ABCC1: variants seen among roughly 807,000 people sequenced by gnomAD.
ABCC1 encodes the protein ATP binding cassette subfamily C member 1 (ABCC1 blood group).
ABCC1 carries 83 observed loss-of-function variants against 172.9 expected under a neutral mutation model. That is an observed-to-expected ratio of 0.48 (90% CI 0.40 to 0.58). The LOEUF is 0.58. Among genes scored for constraint, ABCC1 ranks in the 20% least tolerant of loss-of-function variants. ABCC1 has a pLI of 0.00. For synonymous variants in ABCC1, 937 were observed against 825.2 expected (o/e 1.14, Z -2.32); for missense variants, 1,817 against 2,002.7 (o/e 0.91, Z 1.77).
intron 1 of ABCC1, among the ~76,000 whole-genome samples, chr16:16,006,562 A>G (rs571625596): frequency 1.8e-5 from 2 of 110,714 alleles, no homozygotes; most frequent in East Asian, 2.2e-4. Flanking sequence ...AGCAAAATAC[A>G]GGCTTTTTTT....
Position 16,121,957 on chromosome 16 carries a change from G to T in ABCC1, c.3391-18G>T, listed in dbSNP as rs773761906. On this transcript the variant is annotated intron_variant, in intron 23 of 30. Transcript: ENST00000399410. ...GAGGGAACCTTCATCAACTCCCCGCGTCTGTTCTCTACCCCAGAGGTTCTA... is the reference window on the plus strand; with the variant it reads ...GAGGGAACCTTCATCAACTCCCCGCTTCTGTTCTCTACCCCAGAGGTTCTA... 6.2e-6 allele frequency: 10 copies of T among 1,613,944 alleles called. No individual in the cohort carries two copies. The highest frequency in any genetic ancestry group is 8.5e-6 in the Non-Finnish European group (10 of 1,179,958).
chr16:15,994,530 C>T (rs1434693120), intron 1 of ABCC1, among the ~76,000 whole-genome samples: 1 of 152,148 alleles, frequency 6.6e-6, no homozygotes, highest in African/African-American at 2.4e-5. Flanking sequence ...CCAATAAATA[C>T]ATGCTTTCTC....
chr16:16,069,214 A>AAATAAATG (rs1248266927), intron 13 of ABCC1, among the ~76,000 whole-genome samples: 11 of 147,158 alleles, frequency 7.5e-5, no homozygotes, highest in African/African-American at 2.8e-4. Context: ...ATAAATAAAT[A>AAATAAATG]TGTTTGAAAA....
intron 25 of ABCC1, 113 bp downstream of exon 25, chr16:16,125,028 A>G: frequency 6.6e-7 from 1 of 1,509,668 alleles, no homozygotes; most frequent in Non-Finnish European, 9.0e-7. Context: ...CTTGAGAGGT[A>G]CGGAGTTTGA....
At chr16:16,079,224 T>G in intron 15 of ABCC1, 128 bp from the exon 16 acceptor site, 2 of 1,389,416 alleles carry the variant, frequency 1.4e-6, no homozygotes, top group South Asian at 2.6e-5. Flanking sequence ...GCCTTCAGTG[T>G]TTAGTACAGT....
chr16:16,062,754 C>T (rs555939649), intron 12 of ABCC1, among the ~76,000 whole-genome samples: 5 of 152,260 alleles, frequency 3.3e-5, no homozygotes, highest in East Asian at 1.9e-4. Context: ...GCTTCAAAGA[C>T]GATGAGGTGT....
chr16:16,042,173 G>GTTTTT (rs57457665), intron 7 of ABCC1, among the ~76,000 whole-genome samples: 1 of 133,798 alleles, frequency 7.5e-6, no homozygotes, highest in Non-Finnish European at 1.6e-5. Context: ...GAGTTTGGCA[G>GTTTTT]TTTTTTTTTT....
At chr16:15,994,835 C>T (rs1435904795) in intron 1 of ABCC1, among the ~76,000 whole-genome samples, 1 of 150,964 alleles carries the variant, frequency 6.6e-6, no homozygotes, top group Non-Finnish European at 1.5e-5. Flanking sequence ...GTGATTTTGA[C>T]TCACTGCAAC....
chr16:16,039,959 G>T (rs572817218), intron 7 of ABCC1, among the ~76,000 whole-genome samples: 1 of 152,104 alleles, frequency 6.6e-6, no homozygotes. Context: ...ATTTGCAGGG[G>T]TCTCCTCTGA....
chr16:16,115,888 ATTCT>A (rs1008586210), intron 23 of ABCC1, among the ~76,000 whole-genome samples: 11 of 150,492 alleles, frequency 7.3e-5, no homozygotes, highest in Admixed American at 1.3e-4. Context: ...CAAGCCTTTC[ATTCT>A]TTCTTTCTTT....
chr16:16,075,178 C>T (rs962806653), intron 14 of ABCC1, among the ~76,000 whole-genome samples: 4 of 151,998 alleles, frequency 2.6e-5, no homozygotes, highest in African/African-American at 9.7e-5. Flanking sequence ...CTCCTGACAT[C>T]AGGTGATCTG....
chr16:16,099,734 C>T (rs938204592), intron 19 of ABCC1, among the ~76,000 whole-genome samples: 1 of 152,122 alleles, frequency 6.6e-6, no homozygotes. Flanking sequence ...ATCTGAGGCA[C>T]CCTGATTGAC....
intron 6 of ABCC1, among the ~76,000 whole-genome samples, chr16:16,033,654 C>CTT (rs569183872): frequency 6.7e-6 from 1 of 149,420 alleles, no homozygotes; most frequent in African/African-American, 2.4e-5. Context: ...GGTCGTCTTT[C>CTT]TTTTTTTTTT....
At chr16:16,090,318 C>G in intron 18 of ABCC1, 87 bp from the exon 19 acceptor site, 2 of 1,393,356 alleles carry the variant, frequency 1.4e-6, no homozygotes, top group Non-Finnish European at 1.9e-6. Context: ...TGTTCGTCGG[C>G]TCATTCCTCC....
chr16:15,980,324 G>A (rs1007084225), intron 1 of ABCC1, among the ~76,000 whole-genome samples: 1 of 152,110 alleles, frequency 6.6e-6, no homozygotes, highest in African/African-American at 2.4e-5. Flanking sequence ...CAGCAACAAA[G>A]TGAGACTCTG....
At chr16:16,024,266 C>T (rs138794502) in intron 5 of ABCC1, among the ~76,000 whole-genome samples, 1 of 134,798 alleles carries the variant, frequency 7.4e-6, no homozygotes, top group Admixed American at 8.1e-5. Flanking sequence ...ATTGGAAGGG[C>T]TAGGATGTAA....
chr16:16,142,286 C>T lies in ABCC1; in HGVS notation c.*1005C>T, dbSNP rs904453855. 3.3e-5 allele frequency: 5 copies of T among 152,218 alleles called. No individual in the cohort carries two copies. The highest frequency in any genetic ancestry group is 9.7e-5 in the African/African-American group (4 of 41,446). 9.4% of individuals were successfully genotyped at this position (152,218 alleles called of 1,614,324 possible). The stretch of plus-strand genomic sequence containing the variant: ...CCTAGCAGAAAAATGTGTTAGGGGC[C>T]TGGCCCAAAGCAGTGTTGGTTGCTT... On this transcript the variant is annotated 3_prime_UTR_variant, in exon 31 of 31. Coordinates refer to ENST00000399410, the MANE Select transcript of ABCC1 (RefSeq NM_004996.4).
At chr16:16,136,947 C>A (rs973258882) in intron 29 of ABCC1, among the ~76,000 whole-genome samples, 1 of 152,154 alleles carries the variant, frequency 6.6e-6, no homozygotes, top group African/African-American at 2.4e-5. Flanking sequence ...ACCAGTTGGT[C>A]ACTAGCACTG....
In ABCC1 at chr16:16,068,338, G is replaced by A. The variant is rs758856288; in HGVS notation, c.1824+36G>A. The A allele has an allele frequency of 1.9e-6, 3 of 1,610,350 alleles. No homozygotes were observed. The African/African-American group carries it at 4.0e-5, about 22-fold the overall frequency. On this transcript the variant is annotated intron_variant, in intron 13 of 30. Coordinates refer to ENST00000399410, the MANE Select transcript of ABCC1 (RefSeq NM_004996.4). ...AAGCTGGGGCGACTTCCGAGAGGGG[G>A]CCTTGGGGTTCTAGGCCACGAAAGC...
Sources: gnomAD v4.1 joint callset for allele counts (sites outside exome capture counted in the v4.1 genomes callset) on GRCh38, gnomAD v4.1.1 for gene constraint, MANE v1.5 for transcripts, NCBI Gene and HGNC (gene_info 2026-07-23, HGNC 2026-07-21) for gene names.